MYO1E: variants seen among roughly 807,000 people sequenced by gnomAD.
MYO1E encodes myosin IE, also known as unconventional myosin-Ie.
In MYO1E, 68 loss-of-function variants were observed where a neutral mutation model predicts 151.1. That is an observed-to-expected ratio of 0.45 (90% CI 0.37 to 0.55). The LOEUF is 0.55. Among genes scored for constraint, MYO1E ranks in the 20% least tolerant of loss-of-function variants. The pLI, the probability that MYO1E is intolerant of heterozygous loss-of-function variation, is 0.00. For synonymous variants in MYO1E, 601 were observed against 501.7 expected (o/e 1.20, Z -2.64); for missense variants, 1,363 against 1,389.3 (o/e 0.98, Z 0.30).
chr15:59,323,494 T>C (rs1324259434), intron 1 of MYO1E, among the ~76,000 whole-genome samples: 1 of 150,040 alleles, frequency 6.7e-6, no homozygotes, highest in Non-Finnish European at 1.5e-5. Context: ...CTACTAAAAA[T>C]ACACACAAAA....
At chr15:59,165,955 G>A (rs1333113245) in intron 22 of MYO1E, among the ~76,000 whole-genome samples, 1 of 152,210 alleles carries the variant, frequency 6.6e-6, no homozygotes, top group East Asian at 1.9e-4. Flanking sequence ...GTGGCAGGAT[G>A]GTGATTATTC....
chr15:59,284,916 G>A (rs1035452463), intron 1 of MYO1E, among the ~76,000 whole-genome samples: 2 of 152,086 alleles, frequency 1.3e-5, no homozygotes, highest in African/African-American at 4.8e-5. Flanking sequence ...TTTCACTTCT[G>A]CTCTGATTAT....
At chr15:59,185,600 G>T (rs1458792047) in intron 18 of MYO1E, among the ~76,000 whole-genome samples, 3 of 152,218 alleles carry the variant, frequency 2.0e-5, no homozygotes, top group African/African-American at 7.2e-5. Flanking sequence ...TTGGGGTCGG[G>T]CATGGTAGCT....
rs550035255 is a variant in MYO1E, at chr15:59,267,336, A to T, written c.147+4970T>A. Among the ~76,000 whole-genome samples the T allele has an allele frequency of 5.9e-5, 9 of 152,272 alleles. No homozygotes were observed. The East Asian group carries it at 1.5e-3, about 26-fold the overall frequency. On this transcript the variant is annotated intron_variant, in intron 2 of 27. Transcript: ENST00000288235. ...CACTGTGCCCAGCCGGTTAAAATCT[A>T]TTTGAATAGTCAGTGAATTTCCCAA...
At chr15:59,188,890 G>A (rs2079715952) in intron 17 of MYO1E, among the ~76,000 whole-genome samples, 1 of 152,052 alleles carries the variant, frequency 6.6e-6, no homozygotes. Flanking sequence ...GCTAATGCTG[G>A]TTTTGTTATT....
chr15:59,239,221 T>C (rs1314541992), intron 4 of MYO1E, among the ~76,000 whole-genome samples: 10 of 84,952 alleles, frequency 1.2e-4, no homozygotes, highest in Non-Finnish European at 2.0e-4. Flanking sequence ...TATATATATA[T>C]ATATTTTTTT....
chr15:59,137,260 T>G lies in MYO1E; in HGVS notation c.*120A>C, dbSNP rs912742065. 1 of 905,460 alleles carries G rather than the reference T, an allele frequency of 1.1e-6. No individual in the cohort carries two copies. Among genetic ancestry groups the G allele is most frequent in the Non-Finnish European group, 1.8e-6 (1 of 554,326 alleles). 56.1% of individuals were successfully genotyped at this position (905,460 alleles called of 1,614,324 possible). A position where few individuals can be genotyped will look rare whatever the true frequency, so the allele number is the denominator to read the frequency against. On this transcript the variant is annotated 3_prime_UTR_variant, in exon 28 of 28. Transcript: ENST00000288235. ...GTCCTCCATGGGGAAGGTACCAGAA[T>G]AGCTCCAGGCCTTGGAGAAGCAATT...
At chr15:59,214,338 T>C (rs1264127615) in intron 11 of MYO1E, 24 bp from the exon 12 acceptor site, 7 of 1,514,680 alleles carry the variant, frequency 4.6e-6, no homozygotes, top group Non-Finnish European at 5.5e-6. Flanking sequence ...GTTATTCACA[T>C]GTAATTCTTT....
chr15:59,259,175 T>C (rs1324301002), intron 3 of MYO1E, among the ~76,000 whole-genome samples: 1 of 152,224 alleles, frequency 6.6e-6, no homozygotes, highest in East Asian at 1.9e-4. Flanking sequence ...TCTGTCACCA[T>C]TGTAAAAATG....
At chr15:59,207,529 T>G in intron 14 of MYO1E, 1 of 1,614,076 alleles carries the variant, frequency 6.2e-7, no homozygotes. Context: ...TTATGTAGCT[T>G]GGAAGTTGAG....
At chr15:59,337,786 C>T (rs770694611) in intron 1 of MYO1E, among the ~76,000 whole-genome samples, 13 of 152,068 alleles carry the variant, frequency 8.5e-5, no homozygotes, top group Admixed American at 4.6e-4. Context: ...GAGCTGGGAT[C>T]GTGCCACTGC....
At chr15:59,357,593 TTTGTTGTTGTTG>T (rs146568549) in intron 1 of MYO1E, among the ~76,000 whole-genome samples, 6 of 149,892 alleles carry the variant, frequency 4.0e-5, no homozygotes, top group African/African-American at 1.5e-4. Context: ...CCTGGCTATT[TTTGTTGTTGTTG>T]TTGTTGTTGT....
At chr15:59,316,212 C>T (rs1380371649) in intron 1 of MYO1E, among the ~76,000 whole-genome samples, 1 of 152,256 alleles carries the variant, frequency 6.6e-6, no homozygotes, top group South Asian at 2.1e-4. Context: ...TATGGCTAAT[C>T]TAACCTGTCA....
chr15:59,152,192 T>C (rs182753299), intron 26 of MYO1E, among the ~76,000 whole-genome samples: 128 of 152,178 alleles, frequency 8.4e-4, no homozygotes, highest in African/African-American at 3.0e-3. Context: ...CACCACTGCA[T>C]TGCAGCCTGG....
Position 59,202,425 on chromosome 15 carries a change from G to C in MYO1E, c.1617-18C>G. 6 of 1,607,394 alleles carry C rather than the reference G, an allele frequency of 3.7e-6. No homozygotes were observed. The highest frequency in any genetic ancestry group is 5.1e-6 in the Non-Finnish European group (6 of 1,173,980). ...TGAAAGGCCTGGAAAAGGAGAAAGA[G>C]AATGAATTAACAATCTGTAAGTACC... On this transcript the variant is annotated intron_variant, in intron 15 of 27. Coordinates refer to ENST00000288235, the MANE Select transcript of MYO1E (RefSeq NM_004998.4).
At chr15:59,365,181 G>A (rs753387397) in intron 1 of MYO1E, among the ~76,000 whole-genome samples, 6 of 151,718 alleles carry the variant, frequency 4.0e-5, no homozygotes, top group East Asian at 3.9e-4. Context: ...CACCACACTC[G>A]GCTAATTTTT....
intron 1 of MYO1E, among the ~76,000 whole-genome samples, chr15:59,338,940 T>C (rs1343915522): frequency 1.3e-5 from 2 of 152,228 alleles, no homozygotes; most frequent in African/African-American, 4.8e-5. Context: ...AAAACCAGCC[T>C]GGCCAACATG....
chr15:59,209,332 C>A (rs1245820901), intron 13 of MYO1E, among the ~76,000 whole-genome samples: 1 of 152,140 alleles, frequency 6.6e-6, no homozygotes, highest in African/African-American at 2.4e-5. Context: ...TTCACACTTA[C>A]TATTTTAATG....
intron 1 of MYO1E, among the ~76,000 whole-genome samples, chr15:59,317,013 G>C (rs539986244): frequency 1.2e-3 from 179 of 152,284 alleles, no homozygotes; most frequent in Non-Finnish European, 2.0e-3. Context: ...GTATTAAGTT[G>C]TCTTCTTGCT....
Sources: gnomAD v4.1 joint callset for allele counts (sites outside exome capture counted in the v4.1 genomes callset) on GRCh38, gnomAD v4.1.1 for gene constraint, MANE v1.5 for transcripts, NCBI Gene and HGNC (gene_info 2026-07-23, HGNC 2026-07-21) for gene names.